Variants in POLD3 observed in about 807,000 individuals in gnomAD.
POLD3 encodes DNA polymerase delta 3, accessory subunit.
In POLD3, 19 loss-of-function variants were observed where a neutral mutation model predicts 58.2. The observed-to-expected ratio is 0.33, with a 90% CI of 0.23 to 0.48. The LOEUF (loss-of-function observed/expected upper bound fraction) is 0.48. Ranked by LOEUF, POLD3 falls within the 20% of genes least tolerant of loss-of-function variation. The pLI, the probability that POLD3 is intolerant of heterozygous loss-of-function variation, is 0.99. For synonymous variants in POLD3, 172 were observed against 193.5 expected (o/e 0.89, Z 0.92); for missense variants, 504 against 545.5 (o/e 0.92, Z 0.76).
intron 1 of POLD3, among the ~76,000 whole-genome samples, chr11:74,593,743 CA>C (rs897585873): frequency 1.3e-5 from 2 of 151,316 alleles, no homozygotes; most frequent in Non-Finnish European, 2.9e-5. Context: ...TGGTGGCCCC[CA>C]AAAAAAACAT....
chr11:74,594,246 T>G, intron 2 of POLD3, 130 bp downstream of exon 2: 1 of 640,670 alleles, frequency 1.6e-6, no homozygotes, highest in Non-Finnish European at 2.8e-6. Flanking sequence ...CATTGGTATT[T>G]CTTGGCTTGT....
intron 4 of POLD3, among the ~76,000 whole-genome samples, chr11:74,666,165 T>A (rs553071746): frequency 6.6e-6 from 1 of 152,318 alleles, no homozygotes; most frequent in Non-Finnish European, 1.5e-5. Flanking sequence ...TCAAAAAGTT[T>A]AAAAGTACTC....
intron 7 of POLD3, among the ~76,000 whole-genome samples, chr11:74,621,977 G>A (rs953389861): frequency 6.6e-6 from 1 of 151,576 alleles, no homozygotes; most frequent in South Asian, 2.1e-4. Flanking sequence ...CCATTAACTC[G>A]TCATTTAGCA....
At chr11:74,648,239 G>T (rs768073879) in intron 4 of POLD3, among the ~76,000 whole-genome samples, 1 of 152,212 alleles carries the variant, frequency 6.6e-6, no homozygotes, top group Non-Finnish European at 1.5e-5. Flanking sequence ...ACGATCTGCA[G>T]CTTGTATCTC....
chr11:74,596,242 G>A (rs982720971), intron 2 of POLD3, among the ~76,000 whole-genome samples: 12 of 149,528 alleles, frequency 8.0e-5, no homozygotes, highest in Admixed American at 1.3e-4. Flanking sequence ...GGAGTCCAAC[G>A]GCGTGATCTC....
At chr11:74,606,312 G>C (rs1403522893) in intron 3 of POLD3, among the ~76,000 whole-genome samples, 1 of 152,186 alleles carries the variant, frequency 6.6e-6, no homozygotes, top group Admixed American at 6.5e-5. Context: ...TTCTGCCACT[G>C]TAGAGCTCTT....
chr11:74,655,319 G>A (rs1205743009), intron 4 of POLD3, among the ~76,000 whole-genome samples: 1 of 152,216 alleles, frequency 6.6e-6, no homozygotes, highest in Non-Finnish European at 1.5e-5. Flanking sequence ...CAATGGTCCC[G>A]CACCACAGAC....
At chr11:74,633,395 C>T (rs992286953) in intron 9 of POLD3, among the ~76,000 whole-genome samples, 1 of 152,166 alleles carries the variant, frequency 6.6e-6, no homozygotes, top group Admixed American at 6.6e-5. Context: ...CCATTTTATA[C>T]TTAAAGTGTG....
chr11:74,619,287 A>T lies in POLD3; in HGVS notation c.660+483A>T, dbSNP rs191953584. Among the ~76,000 whole-genome samples the T allele has an allele frequency of 4.6e-5, 7 of 152,312 alleles. No homozygotes were observed. In the East Asian group the frequency reaches 1.3e-3, roughly 29 times the overall value. On this transcript the variant is annotated intron_variant, in intron 6 of 11. Transcript: ENST00000263681. ...TTTTTATTGTTCAGTCATCTGAACT[A>T]ACTCAAGGGCATTGACTTAAGAAAA...
At position 74,592,589 on chromosome 11, in the gene POLD3, T is replaced by C. The variant is rs548191366; in HGVS notation, c.-70T>C. On this transcript the variant is annotated 5_prime_UTR_variant, in exon 1 of 12. Coordinates refer to ENST00000263681, the MANE Select transcript of POLD3 (RefSeq NM_006591.3). The stretch of plus-strand genomic sequence containing the variant: ...CGGGACCTGGGAGGGAGCAAAGACG[T>C]TTCCCGCCGGCGGGAGCTGTGGCTG... 428 of 1,582,064 alleles carry C rather than the reference T, an allele frequency of 2.7e-4. 1 individual carries two copies. In the African/African-American group the frequency reaches 2.7e-3, roughly 10 times the overall value.
intron 8 of POLD3, among the ~76,000 whole-genome samples, chr11:74,627,250 A>G (rs2032458601): frequency 1.3e-5 from 2 of 151,794 alleles, no homozygotes; most frequent in Non-Finnish European, 2.9e-5. Flanking sequence ...GCCGAGGCTA[A>G]TGTGTGTTTG....
chr11:74,668,662 G>A, intron 4 of POLD3: 2 of 631,966 alleles, frequency 3.2e-6, no homozygotes, highest in Non-Finnish European at 5.1e-6. Context: ...GTAAGGGGTG[G>A]GTGGGAACAT....
At chr11:74,634,726 A>G (rs745738883) in intron 10 of POLD3, 31 bp downstream of exon 10, 17 of 1,241,058 alleles carry the variant, frequency 1.4e-5, no homozygotes, top group Admixed American at 1.7e-5. Flanking sequence ...TTGCATGTCC[A>G]TGCATCCTTT....
chr11:74,639,384 A>G (rs2032845590), intron 11 of POLD3, among the ~76,000 whole-genome samples: 1 of 152,262 alleles, frequency 6.6e-6, no homozygotes, highest in Non-Finnish European at 1.5e-5. Context: ...AGAATTATCA[A>G]TAAAAGCTCA....
chr11:74,619,892 T>C, intron 6 of POLD3, 125 bp from the exon 7 acceptor site: 1 of 702,078 alleles, frequency 1.4e-6, no homozygotes, highest in African/African-American at 1.8e-5. Flanking sequence ...CCTACGCGTT[T>C]TGGCATGATT....
intron 2 of POLD3, among the ~76,000 whole-genome samples, chr11:74,598,424 C>T (rs188386635): frequency 6.6e-6 from 1 of 152,204 alleles, no homozygotes; most frequent in African/African-American, 2.4e-5. Context: ...AGGTTCATCA[C>T]TGTTCTGATT....
chr11:74,650,646 G>A (rs1026761432), intron 4 of POLD3, among the ~76,000 whole-genome samples: 1 of 152,158 alleles, frequency 6.6e-6, no homozygotes, highest in Non-Finnish European at 1.5e-5. Flanking sequence ...TTCACCTCCT[G>A]AGCACTGTCC....
intron 4 of POLD3, among the ~76,000 whole-genome samples, chr11:74,662,496 G>C (rs573681910): frequency 6.6e-6 from 1 of 152,008 alleles, no homozygotes; most frequent in Non-Finnish European, 1.5e-5. Context: ...GGCCTGGAAC[G>C]GGGGCCTCAA....
At chr11:74,649,781 G>A (rs111716714) in intron 4 of POLD3, among the ~76,000 whole-genome samples, 75 of 152,322 alleles carry the variant, frequency 4.9e-4, no homozygotes, top group African/African-American at 1.8e-3. Context: ...ACCGAGGCAG[G>A]TAGATCACTT....
Sources: allele counts gnomAD v4.1 joint callset (sites outside exome capture counted in the v4.1 genomes callset), GRCh38; gene constraint gnomAD v4.1.1; transcripts MANE v1.5; gene names NCBI Gene and HGNC (gene_info 2026-07-23, HGNC 2026-07-21).